SI: variants seen among roughly 807,000 people sequenced by gnomAD.
SI encodes sucrase-isomaltase, intestinal.
In SI, 235 loss-of-function variants were observed where a neutral mutation model predicts 253.3. The ratio of observed to expected loss-of-function variants is 0.93; its 90% confidence interval spans 0.83 to 1.03. SI has a LOEUF of 1.03. Ranked by LOEUF, SI falls within the 50% of genes least tolerant of loss-of-function variation. The probability of loss-of-function intolerance (pLI) is 0.00; values close to 1 mark genes in which losing one functional copy is unlikely to be tolerated. For synonymous variants in SI, 819 were observed against 712.0 expected (o/e 1.15, Z -2.39); for missense variants, 2,442 against 2,211.1 (o/e 1.10, Z -2.09).
At chr3:165,057,042 G>T (rs1488783474) in intron 12 of SI, among the ~76,000 whole-genome samples, 1 of 151,992 alleles carries the variant, frequency 6.6e-6, no homozygotes, top group African/African-American at 2.4e-5. Context: ...TGAACTTTCA[G>T]ACAGAAAATT....
intron 12 of SI, 90 bp downstream of exon 12, chr3:165,058,859 TACACACACACACAC>T (rs138742044): frequency 9.4e-6 from 6 of 639,336 alleles, no homozygotes; most frequent in Non-Finnish European, 1.7e-5. Flanking sequence ...AAAGCAGACA[TACACACACACACAC>T]ACACACACAC....
At chr3:165,030,610 T>C (rs1213327413) in intron 25 of SI, 102 bp downstream of exon 25, 2 of 1,215,158 alleles carry the variant, frequency 1.6e-6, no homozygotes, top group African/African-American at 3.1e-5. Flanking sequence ...TCTACTTGAA[T>C]TTAGTTTATA....
At chr3:165,053,895 A>T (rs939729562) in intron 13 of SI, among the ~76,000 whole-genome samples, 1 of 151,850 alleles carries the variant, frequency 6.6e-6, no homozygotes, top group Admixed American at 6.6e-5. Context: ...ATCACAGTAA[A>T]TTTTTTTTAT....
chr3:165,066,438 C>T (rs377486916), intron 6 of SI, among the ~76,000 whole-genome samples: 6 of 151,744 alleles, frequency 4.0e-5, no homozygotes, highest in South Asian at 4.2e-4. Context: ...TACTTTTTAC[C>T]GCACATTTAG....
chr3:165,085,008 G>A, the SI span, among the ~76,000 whole-genome samples: 1 of 152,020 alleles, frequency 6.6e-6, no homozygotes, highest in South Asian at 2.1e-4. Context: ...CAAATAAATT[G>A]AGAATCCTAA....
the SI span, among the ~76,000 whole-genome samples, chr3:165,086,080 C>T: frequency 1.3e-5 from 2 of 151,962 alleles, no homozygotes; most frequent in African/African-American, 4.8e-5. Flanking sequence ...ATAGTGAAAC[C>T]ATGTCTCTAC....
intron 3 of SI, among the ~76,000 whole-genome samples, chr3:165,072,176 T>A (rs1264459167): frequency 6.6e-6 from 1 of 151,974 alleles, no homozygotes. Flanking sequence ...ATTAAGGAAA[T>A]TTTTAGAAAA....
At chr3:165,045,971 C>T (rs1273788508) in intron 16 of SI, among the ~76,000 whole-genome samples, 1 of 151,052 alleles carries the variant, frequency 6.6e-6, no homozygotes, top group African/African-American at 2.4e-5. Context: ...GTAGCTGGGA[C>T]TACAGGTGCC....
At chr3:165,069,686 G>C (rs910759261) in intron 3 of SI, among the ~76,000 whole-genome samples, 1 of 151,918 alleles carries the variant, frequency 6.6e-6, no homozygotes, top group Non-Finnish European at 1.5e-5. Flanking sequence ...ATCTTAACTA[G>C]TTTATGTGCC....
rs1713860134 is a variant in SI, at chr3:165,059,194, G to C, written c.1252C>G (p.His418Asp). 6.2e-7 allele frequency: 1 copy of C among 1,612,662 alleles called. No individual in the cohort carries two copies. The change falls in exon 11 of 48, where the codon CAT becomes GAT. Residue 418 changes from histidine to aspartate, a missense_variant. By Grantham distance (81) the His-to-Asp change is moderately conservative. Transcript: ENST00000264382. ...LPQFVQDLHD[H>D]GQKYVIILDP... The stretch of plus-strand genomic sequence containing the variant: ...AAGATGATGACATATTTCTGTCCAT[G>C]GTCATGCAAATCTTGCACAAATTGA...
intron 37 of SI, among the ~76,000 whole-genome samples, chr3:164,999,453 A>G (rs1718164404): frequency 6.6e-6 from 1 of 151,680 alleles, no homozygotes; most frequent in Non-Finnish European, 1.5e-5. Context: ...GTTTTACTCT[A>G]ATATTAGTTG....
chr3:164,995,878 C>G (rs572670981), intron 40 of SI, among the ~76,000 whole-genome samples: 1 of 151,670 alleles, frequency 6.6e-6, no homozygotes, highest in Non-Finnish European at 1.5e-5. Flanking sequence ...GCAAGGACTT[C>G]GTAAATATGA....
chr3:165,070,418 A>G (rs1714502703), intron 3 of SI, among the ~76,000 whole-genome samples: 1 of 148,648 alleles, frequency 6.7e-6, no homozygotes, highest in South Asian at 2.1e-4. Context: ...CCAAACACAC[A>G]TATACACATA....
rs750431387 is a variant in SI at position 165,075,991 on chromosome 3, C to A, written c.22G>T (p.Gly8Ter). The change falls in exon 2 of 48, where the codon GGA (glycine) becomes TGA (stop). Residue 8 changes from glycine (G) to a stop codon, truncating the protein, a stop_gained. Transcript: ENST00000264382. LOFTEE classifies it high-confidence loss of function. ...AGGACAATCAGAGAGATTTCCAATC[C>A]ACTAAATTTCTTTCTTGCCATCTAA... MARKKFS[G>*]LEISLIVLFV... 1.5e-5 allele frequency: 24 copies of A among 1,586,310 alleles called. No homozygotes were observed. The highest frequency in any genetic ancestry group is 2.0e-5 in the Non-Finnish European group (23 of 1,160,366).
chr3:165,041,207 T>G, intron 17 of SI, 113 bp from the exon 18 acceptor site: 1 of 891,798 alleles, frequency 1.1e-6, no homozygotes, highest in Non-Finnish European at 1.8e-6. Flanking sequence ...AGCTTGTTTA[T>G]GAGAAATTAA....
Position 165,062,439 on chromosome 3 carries a change from C to T in SI, c.952G>A (p.Gly318Ser), listed in dbSNP as rs749095854. 7.5e-6 allele frequency: 12 copies of T among 1,605,404 alleles called. No homozygotes were observed. The highest frequency in any genetic ancestry group is 3.3e-5 in the South Asian group (3 of 90,908). ...PTPIVTYRVTGGILDFYILLG... is the reference protein window; with the variant it reads ...PTPIVTYRVTSGILDFYILLG... ...AGGATGTAAAAATCCAGAATGCCACCGGTAACTCTATATGTTACTATTGGA... is the reference window on the plus strand; with the variant it reads ...AGGATGTAAAAATCCAGAATGCCACTGGTAACTCTATATGTTACTATTGGA... Residue 318 changes from glycine (G) to serine (S), a missense_variant, in exon 9 of 48, where the codon GGT becomes AGT. Transcript: ENST00000264382.
At chr3:165,086,270 C>G in the SI span, among the ~76,000 whole-genome samples, 1 of 151,908 alleles carries the variant, frequency 6.6e-6, no homozygotes, top group African/African-American at 2.4e-5. Flanking sequence ...AAAAGAAATC[C>G]TAATTGAGAA....
chr3:165,047,218 T>C (rs1713168097), intron 15 of SI, among the ~76,000 whole-genome samples: 1 of 152,020 alleles, frequency 6.6e-6, no homozygotes. Flanking sequence ...GGGTGGGTCT[T>C]TCCTGCACTG....
chr3:164,982,404 A>T lies in SI; in HGVS notation c.5254T>A (p.Leu1752Ile), dbSNP rs1421278441. The T allele has an allele frequency of 6.2e-7, 1 of 1,608,996 alleles. No homozygotes were observed. Among genetic ancestry groups the T allele is most frequent in the East Asian group, 2.2e-5 (1 of 44,668 alleles). The change falls in exon 47 of 48, where the codon TTA becomes ATA. Residue 1752 changes from leucine (L) to isoleucine (I), a missense_variant. By Grantham distance (5) the Leu-to-Ile change is conservative. Transcript: ENST00000264382. ...SVQFNLNQTT[L>I]TSTILKRGYI... ...CCTCTCTTCAATATAGTGCTTGTTA[A>T]GGTGGTCTATAAATAAAGAAAAAGG...
Sources: allele counts gnomAD v4.1 joint callset (sites outside exome capture counted in the v4.1 genomes callset), GRCh38; gene constraint gnomAD v4.1.1; transcripts MANE v1.5; gene names NCBI Gene and HGNC (gene_info 2026-07-23, HGNC 2026-07-21).